ADAM9: variants seen among roughly 807,000 people sequenced by gnomAD.
ADAM9 encodes ADAM metallopeptidase domain 9.
A neutral mutation model predicts 108.1 loss-of-function variants in ADAM9; 54 were observed. The ratio of observed to expected loss-of-function variants is 0.50; its 90% CI spans 0.40 to 0.63. The LOEUF (loss-of-function observed/expected upper bound fraction) is 0.63, where lower values mean the gene tolerates loss of function less well. Among genes scored for constraint, ADAM9 ranks in the 20% least tolerant of loss-of-function variants. The pLI, the probability that ADAM9 is intolerant of heterozygous loss-of-function variation, is 0.00. For synonymous variants in ADAM9, 316 were observed against 336.0 expected (o/e 0.94, Z 0.65); for missense variants, 830 against 997.7 (o/e 0.83, Z 2.26).
Position 38,996,976 on chromosome 8 carries a change from C to T in ADAM9, c.-88C>T. ...CGGGCGCGCGCGCTTCCCGGCCAGACTTGGGGCCCCGGCAGGGTTGGAAAA... is the reference window on the plus strand; with the variant it reads ...CGGGCGCGCGCGCTTCCCGGCCAGATTTGGGGCCCCGGCAGGGTTGGAAAA... On this transcript the variant is annotated 5_prime_UTR_variant, in exon 1 of 22. Coordinates refer to ENST00000487273, the MANE Select transcript of ADAM9 (RefSeq NM_003816.3). 6.5e-7 allele frequency: 1 copy of T among 1,529,850 alleles called. No individual in the cohort carries two copies. Among genetic ancestry groups the T allele is most frequent in the Non-Finnish European group, 8.8e-7 (1 of 1,138,500 alleles). The allele number at this position is 1,529,850 out of a possible 1,614,324, so 94.8% of individuals were successfully genotyped here.
chr8:39,017,222 AT>A lies in ADAM9; in HGVS notation c.416del (p.Leu139CysfsTer4). 6.2e-7 allele frequency: 1 copy of A among 1,614,102 alleles called. No individual in the cohort carries two copies. Among genetic ancestry groups the A allele is most frequent in the Non-Finnish European group, 8.5e-7 (1 of 1,180,004 alleles). ...ALSDCFGLRGLLHLENASYGI... is the reference protein window; with the variant it reads ...ALSDCFGLRGXLHLENASYGI... ...ATACGTGTAATGCAACATTCAGAGG[AT>A]TGCTGCATTTAGAGAATGCGAGTTA... On this transcript the variant is annotated frameshift_variant, in exon 6 of 22. Coordinates refer to ENST00000487273, the MANE Select transcript of ADAM9 (RefSeq NM_003816.3). LOFTEE classifies it high-confidence loss of function.
chr8:39,029,371 TAGAG>T (rs1837029886), intron 11 of ADAM9, among the ~76,000 whole-genome samples: 1 of 152,084 alleles, frequency 6.6e-6, no homozygotes, highest in Non-Finnish European at 1.5e-5. Flanking sequence ...ACACTGATAA[TAGAG>T]AGGGTTCCAG....
At chr8:39,094,166 C>G (rs1839433367) in intron 20 of ADAM9, among the ~76,000 whole-genome samples, 1 of 152,302 alleles carries the variant, frequency 6.6e-6, no homozygotes, top group South Asian at 2.1e-4. Flanking sequence ...TTAAAATGAT[C>G]ACATGGTTTT....
At chr8:39,072,806 T>TAAAA (rs1838738890) in intron 15 of ADAM9, among the ~76,000 whole-genome samples, 1 of 152,260 alleles carries the variant, frequency 6.6e-6, no homozygotes, top group African/African-American at 2.4e-5. Context: ...TGCTTCTTTT[T>TAAAA]CATAGAATTT....
At chr8:39,079,343 G>C (rs562689147) in intron 16 of ADAM9, among the ~76,000 whole-genome samples, 1 of 151,330 alleles carries the variant, frequency 6.6e-6, no homozygotes, top group East Asian at 2.0e-4. Context: ...CTGGGCTCAA[G>C]CGATTCTCCC....
intron 3 of ADAM9, among the ~76,000 whole-genome samples, chr8:39,013,344 T>G (rs983330743): frequency 6.6e-6 from 1 of 150,450 alleles, no homozygotes; most frequent in Non-Finnish European, 1.5e-5. Flanking sequence ...CTGTGAGCCA[T>G]ATCTGAAAAA....
intron 16 of ADAM9, among the ~76,000 whole-genome samples, chr8:39,082,006 C>T (rs1033632234): frequency 3.3e-5 from 5 of 151,960 alleles, no homozygotes; most frequent in African/African-American, 9.7e-5. Context: ...TGGTTTTTAT[C>T]TCTCAGTAGC....
At position 39,105,202 on chromosome 8, in the gene ADAM9, A is replaced by T; in HGVS notation, c.*1502A>T. 2 of 443,204 alleles carry T rather than the reference A, an allele frequency of 4.5e-6. No individual in the cohort carries two copies. Among genetic ancestry groups the T allele is most frequent in the South Asian group, 1.6e-5 (1 of 61,250 alleles). The allele number at this position is 443,204 out of a possible 1,614,324, so 27.5% of individuals were successfully genotyped here. A position where few individuals can be genotyped will look rare whatever the true frequency, so the allele number is the denominator to read the frequency against. ...AGAAGGCAAAAATTTCAGTTTTCTGAAGACAGCATGTTATTTTAACAATCA... is the reference window on the plus strand; with the variant it reads ...AGAAGGCAAAAATTTCAGTTTTCTGTAGACAGCATGTTATTTTAACAATCA... On this transcript the variant is annotated 3_prime_UTR_variant, in exon 22 of 22. Transcript: ENST00000487273.
chr8:39,100,725 G>A (rs1383445541), intron 20 of ADAM9, among the ~76,000 whole-genome samples: 2 of 152,152 alleles, frequency 1.3e-5, no homozygotes, highest in African/African-American at 4.8e-5. Flanking sequence ...GCCAGAGGGT[G>A]CTCAAGGTCT....
chr8:39,021,150 T>A (rs1263188776), intron 7 of ADAM9, among the ~76,000 whole-genome samples: 1 of 152,234 alleles, frequency 6.6e-6, no homozygotes, highest in Non-Finnish European at 1.5e-5. Context: ...TTTTACCTGT[T>A]TTTCTTTTAT....
At chr8:39,099,883 T>G (rs1416983341) in intron 20 of ADAM9, among the ~76,000 whole-genome samples, 16 of 144,698 alleles carry the variant, frequency 1.1e-4, no homozygotes, top group South Asian at 4.5e-4. Context: ...TTGTTTTTTT[T>G]TTTTTTTTTT....
Position 39,014,049 on chromosome 8 carries a change from G to A in ADAM9, c.333+6G>A, listed in dbSNP as rs773464514. 2 of 1,608,906 alleles carry A rather than the reference G, an allele frequency of 1.2e-6. No homozygotes were observed. Among genetic ancestry groups the A allele is most frequent in the Middle Eastern group, 3.3e-4 (2 of 6,042 alleles). ...CTGACCATCCCAATATACAGGTAAT[G>A]TATTTTTCTCTTGATCCCATAGCAA... On this transcript the variant is annotated splice_donor_region_variant and intron_variant, in intron 4 of 21. Transcript: ENST00000487273.
rs149931846 is a variant in ADAM9 at position 39,077,590 on chromosome 8, C to T, written c.1881+179C>T. 4.6e-3 allele frequency among the ~76,000 whole-genome samples: 704 copies of T among 152,268 alleles called. 10 individuals are homozygous for T. The highest frequency in any genetic ancestry group is 0.016 in the African/African-American group (661 of 41,530). ...ACTATAATTCTGTTATCCACATTTC[C>T]TTACTGGGGTCAGATAACCAGTGTT... On this transcript the variant is annotated intron_variant, in intron 16 of 21. Coordinates refer to ENST00000487273, the MANE Select transcript of ADAM9 (RefSeq NM_003816.3).
intron 15 of ADAM9, among the ~76,000 whole-genome samples, chr8:39,073,634 A>G (rs1409207977): frequency 6.6e-6 from 1 of 152,208 alleles, no homozygotes; most frequent in Non-Finnish European, 1.5e-5. Flanking sequence ...GAATGGGTGG[A>G]GAATTAATAT....
chr8:39,064,006 T>G (rs1838379180), intron 14 of ADAM9, among the ~76,000 whole-genome samples: 1 of 152,190 alleles, frequency 6.6e-6, no homozygotes, highest in Admixed American at 6.5e-5. Flanking sequence ...TATATGGTGC[T>G]TGAACTAGGA....
Position 39,013,965 on chromosome 8 carries a change from A to G in ADAM9, c.255A>G (p.Lys85=), listed in dbSNP as rs752653261. Residue 85 remains lysine (K), a splice_region_variant and synonymous_variant, in exon 4 of 22, where the codon AAA becomes AAG. Coordinates refer to ENST00000487273, the MANE Select transcript of ADAM9 (RefSeq NM_003816.3). The part of the protein sequence containing the change: ...KEHIIHLERN[K]DLLPEDFVVY... ...AAACGGTGTTTTATTTCTCTTCCAG[A>G]GACCTTTTGCCTGAAGATTTTGTGG... The G allele has an allele frequency of 1.2e-6, 2 of 1,612,350 alleles. No homozygotes were observed. The highest frequency in any genetic ancestry group is 1.7e-6 in the Non-Finnish European group (2 of 1,178,556).
At chr8:39,013,699 A>G (rs1369193350) in intron 3 of ADAM9, among the ~76,000 whole-genome samples, 1 of 151,946 alleles carries the variant, frequency 6.6e-6, no homozygotes, top group African/African-American at 2.4e-5. Flanking sequence ...ACAGGGTCTC[A>G]CCGTGTTGCT....
chr8:39,024,302 T>A (rs978480447), intron 9 of ADAM9, among the ~76,000 whole-genome samples: 1 of 152,194 alleles, frequency 6.6e-6, no homozygotes, highest in African/African-American at 2.4e-5. Context: ...CCAGTGAGAA[T>A]GCCATCTAGT....
rs535561822 is a variant in ADAM9, at chr8:39,046,565, T to G, written c.1302+4448T>G. On this transcript the variant is annotated intron_variant, in intron 12 of 21. Transcript: ENST00000487273. ...TCTCAGAGGAAAAGCTTTTTGTTTT[T>G]CACAACTAGGTATGATTTTAGCTAT... Among the ~76,000 whole-genome samples the G allele has an allele frequency of 2.4e-4, 37 of 152,278 alleles. 1 individual carries two copies. The highest frequency in any genetic ancestry group is 8.4e-4 in the African/African-American group (35 of 41,560).
Sources: gnomAD v4.1 joint callset for allele counts (sites outside exome capture counted in the v4.1 genomes callset) on GRCh38, gnomAD v4.1.1 for gene constraint, MANE v1.5 for transcripts, NCBI Gene and HGNC (gene_info 2026-07-23, HGNC 2026-07-21) for gene names.